The following RPAP1 variants were observed in gnomAD, a reference collection of about 807,000 sequenced individuals.
RPAP1 encodes the protein RNA polymerase II associated protein 1, also known as RNA polymerase II-associated protein 1.
RPAP1 carries 109 observed loss-of-function variants against 142.4 expected under a neutral mutation model. That is an observed-to-expected ratio of 0.77 (90% CI 0.66 to 0.90). The LOEUF (loss-of-function observed/expected upper bound fraction) is 0.90. Ranked by LOEUF, RPAP1 falls within the 40% of genes least tolerant of loss-of-function variation. The pLI, the probability that RPAP1 is intolerant of heterozygous loss-of-function variation, is 0.00. For missense variants in RPAP1, 1,546 were observed against 1,751.7 expected, an observed-to-expected ratio of 0.88 and a Z score of 2.10; for synonymous variants, 704 against 738.9, an observed-to-expected ratio of 0.95 and a Z score of 0.77.
chr15:41,529,414 C>G (rs2051825826), intron 9 of RPAP1, 56 bp downstream of exon 9: 1 of 1,192,430 alleles, frequency 8.4e-7, no homozygotes. Flanking sequence ...ACCAGAGATC[C>G]TTTTCCATGG....
intron 12 of RPAP1, 23 bp from the exon 13 acceptor site, chr15:41,527,324 C>G (rs781069208): frequency 6.2e-7 from 1 of 1,613,944 alleles, no homozygotes; most frequent in South Asian, 1.1e-5. Context: ...GAGAGAAACC[C>G]ACTGACAAAT....
intron 15 of RPAP1, among the ~76,000 whole-genome samples, chr15:41,524,770 G>A (rs999575602): frequency 2.0e-5 from 3 of 152,080 alleles, no homozygotes; most frequent in African/African-American, 4.8e-5. Flanking sequence ...CACAGTGCCC[G>A]GCTAATGATT....
At chr15:41,521,551 A>G (rs758766703) in intron 21 of RPAP1, among the ~76,000 whole-genome samples, 187 bp downstream of exon 21, 4 of 152,234 alleles carry the variant, frequency 2.6e-5, no homozygotes, top group African/African-American at 7.2e-5. Context: ...AAGTCTCACA[A>G]TCATTCTTGG....
intron 15 of RPAP1, 26 bp downstream of exon 15, chr15:41,524,965 G>T (rs760911994): frequency 6.2e-6 from 10 of 1,609,912 alleles, no homozygotes; most frequent in Non-Finnish European, 8.5e-6. Context: ...GTGTCTAGGG[G>T]GAGCCTACCC....
At chr15:41,538,370 A>T (rs2051935759) in intron 1 of RPAP1, among the ~76,000 whole-genome samples, 2 of 152,184 alleles carry the variant, frequency 1.3e-5, no homozygotes, top group African/African-American at 4.8e-5. Context: ...CCCACTTGAC[A>T]CAGAAAGTTA....
chr15:41,526,963 AG>A lies in RPAP1; in HGVS notation c.1851del (p.Cys618ValfsTer5). 4.3e-6 allele frequency: 7 copies of A among 1,614,176 alleles called. No homozygotes were observed. Among genetic ancestry groups the A allele is most frequent in the Non-Finnish European group, 5.9e-6 (7 of 1,180,014 alleles). On this transcript the variant is annotated frameshift_variant, in exon 14 of 25. Coordinates refer to ENST00000304330, the MANE Select transcript of RPAP1 (RefSeq NM_015540.4). LOFTEE classifies it high-confidence loss of function. The part of the protein sequence containing the change: ...AGPTPSLYKV[P>X]CATAMKLLRV... ...CGAAGTAGTTTCATGGCAGTAGCAC[AG>A]GGTACTTTGTATAGACTAGGGGTAG...
intron 1 of RPAP1, among the ~76,000 whole-genome samples, chr15:41,539,508 G>A (rs1353284591): frequency 6.6e-6 from 1 of 151,994 alleles, no homozygotes; most frequent in Non-Finnish European, 1.5e-5. Flanking sequence ...ATGTTGGTCA[G>A]GCTGATCTCG....
intron 1 of RPAP1, among the ~76,000 whole-genome samples, chr15:41,541,562 T>G (rs1256399888): frequency 6.6e-6 from 1 of 151,806 alleles, no homozygotes; most frequent in Non-Finnish European, 1.5e-5. Flanking sequence ...TAGTGCTGAA[T>G]GAAGGCCGGG....
chr15:41,535,783 G>T, intron 4 of RPAP1, 151 bp from the exon 5 acceptor site: 1 of 1,142,952 alleles, frequency 8.7e-7, no homozygotes, highest in South Asian at 1.6e-5. Context: ...AAAAGGAGAG[G>T]TCTATAAGAG....
rs1363789483 is a variant in RPAP1, at chr15:41,529,781, G to A, written c.1059+83C>T. ...CTTCTCAGGCTCTGGGCAATAGAAA[G>A]GCCTGAGTTCTGAGGGCAAGAGCAG... On this transcript the variant is annotated intron_variant, in intron 8 of 24. Coordinates refer to ENST00000304330, the MANE Select transcript of RPAP1 (RefSeq NM_015540.4). The A allele has an allele frequency of 2.9e-6, 3 of 1,018,312 alleles. No homozygotes were observed. The Admixed American group carries it at 7.3e-5, about 25-fold the overall frequency. The allele number at this position is 1,018,312 out of a possible 1,614,324, so 63.1% of individuals were successfully genotyped here. A position where few individuals can be genotyped will look rare whatever the true frequency, so the allele number is the denominator to read the frequency against.
At chr15:41,524,390 T>C (rs2051767019) in intron 15 of RPAP1, 136 bp from the exon 16 acceptor site, 4 of 671,044 alleles carry the variant, frequency 6.0e-6, no homozygotes, top group Non-Finnish European at 9.1e-6. Context: ...CTTGGAAGGC[T>C]CAGCCCTAAA....
At position 41,530,013 on chromosome 15, in the gene RPAP1, C is replaced by T. The variant is rs781088094; in HGVS notation, c.944-34G>A. 6.4e-6 allele frequency: 10 copies of T among 1,558,418 alleles called. No homozygotes were observed. The African/African-American group carries it at 6.8e-5, about 11-fold the overall frequency. ...ACAAAGCATGATAGTATTACCCAAACGGCTCAGCTCACTATCCACAGGGGT... is the reference window on the plus strand; with the variant it reads ...ACAAAGCATGATAGTATTACCCAAATGGCTCAGCTCACTATCCACAGGGGT... On this transcript the variant is annotated intron_variant, in intron 7 of 24. Transcript: ENST00000304330.
rs1246147893 is a variant in RPAP1 at position 41,527,907 on chromosome 15, T to A, written c.1381A>T (p.Thr461Ser). The stretch of plus-strand genomic sequence containing the variant: ...AGAGCCCGAAGAGCACGGATGGCGG[T>A]TGCAATGACCCCATCCACTCTGTCA... ...LDDRVDGVIA[T>S]AIRALRALLV... The change falls in exon 11 of 25, where the codon ACC becomes TCC. Residue 461 changes from threonine to serine, a missense_variant. Thr to Ser is a moderately conservative substitution (Grantham distance 58). Coordinates refer to ENST00000304330, the MANE Select transcript of RPAP1 (RefSeq NM_015540.4). 6.2e-7 allele frequency: 1 copy of A among 1,613,802 alleles called. No homozygotes were observed. The highest frequency in any genetic ancestry group is 8.5e-7 in the Non-Finnish European group (1 of 1,179,998).
chr15:41,541,436 A>T (rs2051971341), intron 1 of RPAP1, among the ~76,000 whole-genome samples: 1 of 151,740 alleles, frequency 6.6e-6, no homozygotes, highest in South Asian at 2.1e-4. Context: ...AAAAAAAAAA[A>T]AAAAAGCAGG....
intron 1 of RPAP1, among the ~76,000 whole-genome samples, chr15:41,542,449 A>G (rs2051979783): frequency 1.3e-5 from 2 of 152,222 alleles, no homozygotes; most frequent in East Asian, 3.8e-4. Flanking sequence ...GAAAACTTAG[A>G]TAAGTAGAGA....
chr15:41,521,761 A>C lies in RPAP1; in HGVS notation c.3015T>G (p.Cys1005Trp). Residue 1005 changes from cysteine (C) to tryptophan (W), a missense_variant, in exon 21 of 25, where the codon TGT (cysteine) becomes TGG (tryptophan). By Grantham distance (215) the Cys-to-Trp change is radical (BLOSUM62 -2). Around this residue, in one of 3 missense-constraint regions of RPAP1, gnomAD observed 1,333 missense variants for 1,486.6 expected, o/e 0.90. Coordinates refer to ENST00000304330, the MANE Select transcript of RPAP1 (RefSeq NM_015540.4). ...EYLTHELLLS[C>W]VFRLEFLPER... ...ACGGGAGGAACTCCAGCCGGAATAC[A>C]CAGCTCAGCAGCAGCTCATGGGTGA... 1.2e-6 allele frequency: 2 copies of C among 1,614,162 alleles called. No homozygotes were observed. Among genetic ancestry groups the C allele is most frequent in the Non-Finnish European group, 1.7e-6 (2 of 1,180,028 alleles).
chr15:41,540,830 G>C (rs1014957854), intron 1 of RPAP1, among the ~76,000 whole-genome samples: 5 of 152,098 alleles, frequency 3.3e-5, no homozygotes, highest in African/African-American at 1.2e-4. Flanking sequence ...CTCCTGAAGA[G>C]CAAAGGCTGC....
chr15:41,537,216 G>C lies in RPAP1; in HGVS notation c.-76-15C>G, dbSNP rs1212744380. 1.1e-5 allele frequency: 14 copies of C among 1,266,156 alleles called. No individual in the cohort carries two copies. Among genetic ancestry groups the C allele is most frequent in the East Asian group, 2.5e-5 (1 of 39,460 alleles). The allele number at this position is 1,266,156 out of a possible 1,614,324, so 78.4% of individuals were successfully genotyped here. ...CTTATTCATCCCTAAGAGCAAGAAA[G>C]AATATGGGCCCTCTGCAACTGAACC... On this transcript the variant is annotated splice_polypyrimidine_tract_variant and intron_variant, in intron 1 of 24. Transcript: ENST00000304330.
In RPAP1 at chr15:41,523,697, G is replaced by A. The variant is rs531221356; in HGVS notation, c.2436+74C>T. ...GTAGGAGTGGAGAGATGGACACAGA[G>A]AGGGAGCAACGGGTGGAATGTAGCT... is the stretch of plus-strand genomic sequence containing the variant. On this transcript the variant is annotated intron_variant, in intron 17 of 24. Transcript: ENST00000304330. 66 of 1,284,224 alleles carry A rather than the reference G, an allele frequency of 5.1e-5. No individual in the cohort carries two copies. In the African/African-American group the frequency reaches 9.1e-4, roughly 18 times the overall value. 79.6% of individuals were successfully genotyped at this position (1,284,224 alleles called of 1,614,324 possible). A position where few individuals can be genotyped will look rare whatever the true frequency, so the allele number is the denominator to read the frequency against.
Sources: gnomAD v4.1 joint callset for allele counts (sites outside exome capture counted in the v4.1 genomes callset) on GRCh38, gnomAD v4.1.1 for gene constraint, gnomAD v4.1.1 regional missense constraint, MANE v1.5 for transcripts, NCBI Gene and HGNC (gene_info 2026-07-23, HGNC 2026-07-21) for gene names.